Variants in RGS6 observed in about 807,000 individuals in gnomAD.
RGS6 encodes regulator of G protein signaling 6.
A neutral mutation model predicts 78.5 loss-of-function variants in RGS6; 30 were observed. The observed-to-expected ratio is 0.38, with a 90% CI of 0.29 to 0.52. The LOEUF (loss-of-function observed/expected upper bound fraction) is 0.52. Among genes scored for constraint, RGS6 ranks in the 20% least tolerant of loss-of-function variants. The pLI, the probability that RGS6 is intolerant of heterozygous loss-of-function variation, is 0.85. For synonymous variants in RGS6, 206 were observed against 206.0 expected (o/e 1.00, Z 0.00); for missense variants, 495 against 609.7 (o/e 0.81, Z 1.98).
chr14:72,202,456 C>G (rs2041781444), intron 2 of RGS6, among the ~76,000 whole-genome samples: 1 of 152,172 alleles, frequency 6.6e-6, no homozygotes, highest in South Asian at 2.1e-4. Flanking sequence ...ATTTGAGCAG[C>G]TCCCGTTCTT....
chr14:71,993,732 A>G (rs2095069530), intron 2 of RGS6, among the ~76,000 whole-genome samples: 2 of 152,144 alleles, frequency 1.3e-5, no homozygotes, highest in Non-Finnish European at 2.9e-5. Flanking sequence ...TCTTGATGTC[A>G]TCTAGAGTCT....
chr14:71,968,032 G>C (rs1259086548), intron 2 of RGS6, among the ~76,000 whole-genome samples: 3 of 152,104 alleles, frequency 2.0e-5, no homozygotes, highest in Non-Finnish European at 4.4e-5. Flanking sequence ...TCACAGTTTG[G>C]ATTGGAGGTG....
intron 2 of RGS6, among the ~76,000 whole-genome samples, chr14:72,212,891 G>A (rs145190416): frequency 1.4e-4 from 22 of 152,248 alleles, no homozygotes; most frequent in Non-Finnish European, 2.5e-4. Flanking sequence ...ACTCTTTTAC[G>A]TCACTTTCTG....
At chr14:72,468,206 C>T (rs756312156) in intron 7 of RGS6, among the ~76,000 whole-genome samples, 22 of 152,118 alleles carry the variant, frequency 1.4e-4, no homozygotes, top group South Asian at 2.1e-4. Context: ...TGCTGAAACC[C>T]GTCTCTACTA....
the RGS6 span, among the ~76,000 whole-genome samples, chr14:71,871,755 T>C: frequency 6.6e-6 from 1 of 152,168 alleles, no homozygotes; most frequent in Admixed American, 6.5e-5. Flanking sequence ...TGTTCCCATG[T>C]CTATTACCCT....
At chr14:72,001,509 C>G (rs1031999567) in intron 2 of RGS6, among the ~76,000 whole-genome samples, 2 of 89,312 alleles carry the variant, frequency 2.2e-5, no homozygotes, top group African/African-American at 8.0e-5. Context: ...CACACACACA[C>G]ACACACACAC....
chr14:72,454,726 ATTAAT>A (rs2095586047), intron 4 of RGS6, 148 bp downstream of exon 4: 2 of 601,858 alleles, frequency 3.3e-6, no homozygotes, highest in African/African-American at 3.8e-5. Context: ...TACAAATAAA[ATTAAT>A]TTATTTTCTC....
the RGS6 span, among the ~76,000 whole-genome samples, chr14:71,926,482 G>C: frequency 6.6e-6 from 1 of 151,706 alleles, no homozygotes; most frequent in Non-Finnish European, 1.5e-5. Context: ...TGCTTGGGAG[G>C]CTGAGGCAGG....
At chr14:71,976,375 A>G (rs2094129995) in intron 2 of RGS6, among the ~76,000 whole-genome samples, 1 of 150,420 alleles carries the variant, frequency 6.6e-6, no homozygotes, top group African/African-American at 2.4e-5. Context: ...CTCGTCATCT[A>G]GCATTAGGTA....
chr14:72,613,984 C>T, the RGS6 span, among the ~76,000 whole-genome samples: 45,004 of 151,964 alleles, frequency 0.3, 8,027 homozygotes, highest in East Asian at 0.68. Context: ...CCCCCTGCCC[C>T]ACTCTCAGCT....
chr14:72,254,541 A>G (rs1029658941), intron 2 of RGS6, among the ~76,000 whole-genome samples: 1 of 152,018 alleles, frequency 6.6e-6, no homozygotes, highest in Non-Finnish European at 1.5e-5. Flanking sequence ...TCTCTGTTAA[A>G]CAGAGAACAT....
At chr14:72,406,724 G>T (rs1222661188) in intron 3 of RGS6, among the ~76,000 whole-genome samples, 1 of 152,160 alleles carries the variant, frequency 6.6e-6, no homozygotes, top group African/African-American at 2.4e-5. Context: ...CAACAGTATA[G>T]GTATGTTCAT....
intron 2 of RGS6, among the ~76,000 whole-genome samples, chr14:71,967,320 A>AT (rs1460932722): frequency 6.6e-6 from 1 of 152,088 alleles, no homozygotes; most frequent in African/African-American, 2.4e-5. Flanking sequence ...TCCTGACACC[A>AT]TTTTAAACCT....
intron 1 of RGS6, among the ~76,000 whole-genome samples, chr14:71,956,357 GTA>G (rs10651401): frequency 6.6e-6 from 1 of 150,484 alleles, no homozygotes; most frequent in African/African-American, 2.4e-5. Flanking sequence ...GTGTGTGTGT[GTA>G]TATTCTATTT....
chr14:71,962,498 T>G (rs2093273276), intron 1 of RGS6, among the ~76,000 whole-genome samples: 1 of 152,244 alleles, frequency 6.6e-6, no homozygotes, highest in Non-Finnish European at 1.5e-5. Flanking sequence ...TTTCATGCTC[T>G]GTTGTATTCT....
intron 2 of RGS6, among the ~76,000 whole-genome samples, chr14:72,347,112 C>G (rs1424081197): frequency 6.6e-6 from 1 of 152,186 alleles, no homozygotes; most frequent in Non-Finnish European, 1.5e-5. Flanking sequence ...TATTGATTGG[C>G]ACAGTGACGC....
chr14:72,461,135 G>C (rs1383645755), intron 6 of RGS6, among the ~76,000 whole-genome samples: 3 of 152,168 alleles, frequency 2.0e-5, no homozygotes, highest in African/African-American at 7.2e-5. Flanking sequence ...CATAAAACTA[G>C]TGCTTCTGGG....
intron 1 of RGS6, among the ~76,000 whole-genome samples, chr14:71,935,162 G>T (rs146466452): frequency 4.1e-4 from 63 of 152,222 alleles, no homozygotes; most frequent in African/African-American, 1.4e-3. Flanking sequence ...TGTAAGGAAA[G>T]AAATAGAATT....
Position 72,082,734 on chromosome 14 carries a change from G to GA in RGS6, c.84+117866dup, listed in dbSNP as rs993555586. ...AATAATTAAAATTCGCAAATGATGGGAAAAAAACCGGAAGTTCTTGGGGGA... is the reference window on the plus strand; with the variant it reads ...AATAATTAAAATTCGCAAATGATGGGAAAAAAAACCGGAAGTTCTTGGGGGA... On this transcript the variant is annotated intron_variant, in intron 2 of 17. Transcript: ENST00000553525. Among the ~76,000 whole-genome samples the GA allele has an allele frequency of 9.9e-5, 15 of 152,108 alleles. No homozygotes were observed. In the East Asian group the frequency reaches 2.5e-3, roughly 25 times the overall value.
Sources: gnomAD v4.1 joint callset for allele counts (sites outside exome capture counted in the v4.1 genomes callset) on GRCh38, gnomAD v4.1.1 for gene constraint, MANE v1.5 for transcripts, NCBI Gene and HGNC (gene_info 2026-07-23, HGNC 2026-07-21) for gene names.